The following TGFBR1 variants were observed in gnomAD, a reference collection of about 807,000 sequenced individuals.
TGFBR1 encodes TGF-beta receptor type-1.
Under a neutral mutation model 55.1 loss-of-function variants are expected in TGFBR1, and 20 were observed. The ratio of observed to expected loss-of-function variants is 0.36; its 90% CI spans 0.26 to 0.53. TGFBR1 has a LOEUF of 0.53. Among genes scored for constraint, TGFBR1 ranks in the 20% least tolerant of loss-of-function variants. The pLI is 0.91. For missense variants in TGFBR1, 385 were observed against 617.6 expected, an observed-to-expected ratio of 0.62 and a Z score of 3.99; for synonymous variants, 220 against 214.8, an observed-to-expected ratio of 1.02 and a Z score of -0.21.
At position 99,149,366 on chromosome 9, in the gene TGFBR1, G is replaced by C; in HGVS notation, c.*61G>C. The C allele has an allele frequency of 1.2e-6, 2 of 1,606,660 alleles. No individual in the cohort carries two copies. The highest frequency in any genetic ancestry group is 4.5e-5 in the East Asian group (2 of 44,744). On this transcript the variant is annotated 3_prime_UTR_variant, in exon 9 of 9. Coordinates refer to ENST00000374994, the MANE Select transcript of TGFBR1 (RefSeq NM_004612.4). Reference sequence around the variant, plus strand: ...AGATCTGCTCCTGGGTTTTAATTTGGGAGGTCAATTGTTCTACCTCACTGA... The same window carrying C: ...AGATCTGCTCCTGGGTTTTAATTTGCGAGGTCAATTGTTCTACCTCACTGA...
At chr9:99,118,544 C>T (rs1412529123) in intron 1 of TGFBR1, among the ~76,000 whole-genome samples, 1 of 151,596 alleles carries the variant, frequency 6.6e-6, no homozygotes, top group Non-Finnish European at 1.5e-5. Flanking sequence ...TATCAGTTTA[C>T]TAAGATTTTT....
intron 1 of TGFBR1, among the ~76,000 whole-genome samples, chr9:99,126,342 T>C (rs1827042331): frequency 2.6e-5 from 4 of 152,154 alleles, no homozygotes; most frequent in Admixed American, 2.6e-4. Flanking sequence ...GGGAGAGTAT[T>C]CAGGGCAATA....
chr9:99,144,682 G>A (rs758350357), intron 5 of TGFBR1, 50 bp from the exon 6 acceptor site: 2 of 1,609,266 alleles, frequency 1.2e-6, no homozygotes, highest in Non-Finnish European at 1.7e-6. Context: ...GATGTGAGTT[G>A]TGATTGGTAT....
At chr9:99,108,768 A>C (rs1826483826) in intron 1 of TGFBR1, among the ~76,000 whole-genome samples, 2 of 152,214 alleles carry the variant, frequency 1.3e-5, no homozygotes, top group South Asian at 4.1e-4. Context: ...TGGATGTATT[A>C]ACCTCTATCA....
intron 3 of TGFBR1, 138 bp from the exon 4 acceptor site, chr9:99,137,721 A>G (rs936316466): frequency 7.6e-6 from 5 of 658,930 alleles, no homozygotes; most frequent in Non-Finnish European, 1.3e-5. Context: ...TGCAAATATA[A>G]TATCTCCCCA....
chr9:99,154,052 T>G lies in TGFBR1; in HGVS notation c.*4747T>G, dbSNP rs1828042105. On this transcript the variant is annotated 3_prime_UTR_variant, in exon 9 of 9. Transcript: ENST00000374994. Reference sequence around the variant, plus strand: ...GGAGGGGCTTTGTGAATAGGATTGCTCTCACATTAAAGATAGTTACTTCAA... The same window carrying G: ...GGAGGGGCTTTGTGAATAGGATTGCGCTCACATTAAAGATAGTTACTTCAA... 4.5e-6 allele frequency: 1 copy of G among 224,404 alleles called. No individual in the cohort carries two copies. 13.9% of individuals were successfully genotyped at this position (224,404 alleles called of 1,614,324 possible).
At chr9:99,103,667 T>C (rs1028805867), upstream of TGFBR1, among the ~76,000 whole-genome samples, 5 of 152,328 alleles carry the variant, frequency 3.3e-5, no homozygotes, top group South Asian at 1.0e-3. Context: ...CTGAGGCTGC[T>C]GGAGCTGCGG....
intron 4 of TGFBR1, 26 bp from the exon 5 acceptor site, chr9:99,142,510 A>G (rs1827644211): frequency 6.2e-7 from 1 of 1,613,766 alleles, no homozygotes; most frequent in Admixed American, 1.7e-5. Flanking sequence ...CTGCAGCCCA[A>G]CCGAAATGTT....
chr9:99,128,000 C>A, intron 1 of TGFBR1: 1 of 455,994 alleles, frequency 2.2e-6, no homozygotes, highest in South Asian at 1.5e-5. Flanking sequence ...ACTAGCAATT[C>A]TGGTAAGCAG....
rs1244225435 is a variant in TGFBR1, at chr9:99,129,088, C to A, written c.331C>A (p.Leu111Ile). The A allele has an allele frequency of 6.2e-7, 1 of 1,613,888 alleles. No individual in the cohort carries two copies. Among genetic ancestry groups the A allele is most frequent in the South Asian group, 1.1e-5 (1 of 91,076 alleles). Reference sequence around the variant, plus strand: ...TCAGGACCATTGCAATAAAATAGAACTTCCAACTACTGGTAAGTTGTATAA... The same window carrying A: ...TCAGGACCATTGCAATAAAATAGAAATTCCAACTACTGGTAAGTTGTATAA... ...CNQDHCNKIE[L>I]PTTVKSSPGL... is the part of the protein sequence containing the mutation. Residue 111 changes from leucine to isoleucine, a missense_variant, in exon 2 of 9, where the codon CTT becomes ATT. By Grantham distance (5) the Leu-to-Ile change is conservative. Around this residue, in one of 5 missense-constraint regions of TGFBR1, gnomAD observed 146 missense variants for 167.7 expected, o/e 0.87. Transcript: ENST00000374994.
chr9:99,128,362 CTCCATTA>C (rs777562440), intron 1 of TGFBR1, among the ~76,000 whole-genome samples: 21 of 151,598 alleles, frequency 1.4e-4, no homozygotes, highest in Non-Finnish European at 2.8e-4. Context: ...GTTTCCGTTA[CTCCATTA>C]TCCAGAAAGC....
chr9:99,140,151 T>G (rs570930805), intron 4 of TGFBR1, among the ~76,000 whole-genome samples: 74 of 152,214 alleles, frequency 4.9e-4, no homozygotes, highest in Middle Eastern at 3.4e-3. Flanking sequence ...TAATACCTCT[T>G]AAGTTAAAAA....
intron 8 of TGFBR1, among the ~76,000 whole-genome samples, chr9:99,148,324 C>T (rs532933428): frequency 6.6e-6 from 1 of 152,214 alleles, no homozygotes; most frequent in Non-Finnish European, 1.5e-5. Context: ...CCAGCAGTAT[C>T]TGAGCTGCTC....
chr9:99,138,482 G>A (rs906191270), intron 4 of TGFBR1, among the ~76,000 whole-genome samples: 3 of 152,202 alleles, frequency 2.0e-5, no homozygotes, highest in East Asian at 1.9e-4. Context: ...CCAGTAGGAT[G>A]TTTCAATATG....
At chr9:99,125,684 C>T (rs1195405903) in intron 1 of TGFBR1, among the ~76,000 whole-genome samples, 10 of 152,200 alleles carry the variant, frequency 6.6e-5, no homozygotes, top group African/African-American at 1.2e-4. Flanking sequence ...GATCTTCACA[C>T]AGCTGAAGAA....
intron 3 of TGFBR1, among the ~76,000 whole-genome samples, chr9:99,137,515 A>G (rs1827474262): frequency 6.6e-6 from 1 of 152,032 alleles, no homozygotes; most frequent in African/African-American, 2.4e-5. Flanking sequence ...TGATTGCCCA[A>G]GCTGCTTCCC....
At position 99,149,424 on chromosome 9, in the gene TGFBR1, G is replaced by T. The variant is rs184489732; in HGVS notation, c.*119G>T. ...CAGAAGGATATTGCTTCCTTTTGCAGCAGTGTAATAAAGTCAATTAAAAAC... is the reference window on the plus strand; with the variant it reads ...CAGAAGGATATTGCTTCCTTTTGCATCAGTGTAATAAAGTCAATTAAAAAC... On this transcript the variant is annotated 3_prime_UTR_variant, in exon 9 of 9. Transcript: ENST00000374994. 14 of 1,443,356 alleles carry T rather than the reference G, an allele frequency of 9.7e-6. No homozygotes were observed. The East Asian group carries it at 3.2e-4, about 33-fold the overall frequency. 89.4% of individuals were successfully genotyped at this position (1,443,356 alleles called of 1,614,324 possible).
chr9:99,126,204 A>G (rs1259672964), intron 1 of TGFBR1, among the ~76,000 whole-genome samples: 3 of 152,152 alleles, frequency 2.0e-5, no homozygotes, highest in Admixed American at 2.0e-4. Context: ...TAATGGTGAG[A>G]GGTGTGTGGC....
At chr9:99,146,427 A>G in intron 6 of TGFBR1, 58 bp from the exon 7 acceptor site, 4 of 1,607,596 alleles carry the variant, frequency 2.5e-6, no homozygotes, top group Non-Finnish European at 3.4e-6. Flanking sequence ...AAGGAGGTTC[A>G]TCCAAATATG....
Sources: allele counts gnomAD v4.1 joint callset (sites outside exome capture counted in the v4.1 genomes callset), GRCh38; gene constraint gnomAD v4.1.1; regional missense constraint gnomAD v4.1.1; transcripts MANE v1.5; gene names NCBI Gene and HGNC (gene_info 2026-07-23, HGNC 2026-07-21).